NR3C2: variants seen among roughly 807,000 people sequenced by gnomAD.
The protein encoded by NR3C2 is mineralocorticoid receptor.
NR3C2 carries 15 observed loss-of-function variants against 86.4 expected under a neutral mutation model. The ratio of observed to expected loss-of-function variants is 0.17; its 90% CI spans 0.12 to 0.27. The LOEUF is 0.27. NR3C2 is among the 10% of genes least tolerant of loss of function. The pLI, the probability that NR3C2 is intolerant of heterozygous loss-of-function variation, is 1.00. For missense variants in NR3C2, 960 were observed against 1,195.6 expected, an observed-to-expected ratio of 0.80 and a Z score of 2.91; for synonymous variants, 458 against 450.5, an observed-to-expected ratio of 1.02 and a Z score of -0.21.
chr4:148,413,622 A>C (rs1293852903), intron 2 of NR3C2, among the ~76,000 whole-genome samples: 1 of 152,144 alleles, frequency 6.6e-6, no homozygotes, highest in East Asian at 1.9e-4. Context: ...AATACCTTTG[A>C]CAAATCAATA....
chr4:148,167,996 C>T (rs1734955625), intron 4 of NR3C2, among the ~76,000 whole-genome samples: 2 of 152,172 alleles, frequency 1.3e-5, no homozygotes, highest in Admixed American at 6.5e-5. Flanking sequence ...GGCTGGGCAG[C>T]AAACAAGCAG....
chr4:148,392,008 A>AT (rs1248025571), intron 2 of NR3C2, among the ~76,000 whole-genome samples: 4 of 152,030 alleles, frequency 2.6e-5, no homozygotes, highest in Non-Finnish European at 5.9e-5. Flanking sequence ...AAGATAGTAA[A>AT]TTTTTTTTCA....
At chr4:148,160,430 AC>A (rs1316169902) in intron 4 of NR3C2, among the ~76,000 whole-genome samples, 1 of 151,938 alleles carries the variant, frequency 6.6e-6, no homozygotes, top group Non-Finnish European at 1.5e-5. Context: ...CCTGCTACAT[AC>A]CCTTTTGACA....
intron 2 of NR3C2, among the ~76,000 whole-genome samples, chr4:148,335,431 T>TG (rs1744431420): frequency 6.6e-6 from 1 of 152,176 alleles, no homozygotes; most frequent in South Asian, 2.1e-4. Flanking sequence ...CATGCGCAGA[T>TG]GGAGGCCACA....
At chr4:148,202,661 C>T (rs901912628) in intron 3 of NR3C2, among the ~76,000 whole-genome samples, 3 of 152,148 alleles carry the variant, frequency 2.0e-5, no homozygotes, top group African/African-American at 7.2e-5. Flanking sequence ...TTTTACAGGT[C>T]GCTTAGAGAT....
At chr4:148,369,783 T>G (rs921461253) in intron 2 of NR3C2, among the ~76,000 whole-genome samples, 4 of 152,090 alleles carry the variant, frequency 2.6e-5, no homozygotes, top group Non-Finnish European at 2.9e-5. Flanking sequence ...AATACAACTG[T>G]TTTGTAGAAG....
At chr4:148,150,780 A>C (rs989127656) in intron 6 of NR3C2, among the ~76,000 whole-genome samples, 4 of 152,222 alleles carry the variant, frequency 2.6e-5, no homozygotes, top group African/African-American at 9.7e-5. Flanking sequence ...CAACTACAGA[A>C]TCCACTAATG....
In NR3C2 at chr4:148,154,734, A is replaced by G. The variant is rs369389025; in HGVS notation, c.2182T>C (p.Ser728Pro). Residue 728 changes from serine (S) to proline (P), a missense_variant, in exon 5 of 9, where the codon TCC (serine) becomes CCC (proline). Coordinates refer to ENST00000358102, the MANE Select transcript of NR3C2 (RefSeq NM_000901.5). Reference protein sequence around the residue: ...SVNTALVPQLSTISRALTPSP... With the variant: ...SVNTALVPQLPTISRALTPSP... ...GGTGTGAGCGCTCGTGAGATTGTGG[A>G]GAGCTGAGGAACCAGTGCTGTGTTG... 1.3e-5 allele frequency: 21 copies of G among 1,578,358 alleles called. No individual in the cohort carries two copies. Among genetic ancestry groups the G allele is most frequent in the Non-Finnish European group, 1.7e-5 (20 of 1,161,152 alleles).
intron 3 of NR3C2, among the ~76,000 whole-genome samples, chr4:148,195,839 G>C (rs1275301261): frequency 1.3e-5 from 2 of 152,200 alleles, no homozygotes; most frequent in African/African-American, 4.8e-5. Flanking sequence ...AAGAGAGTAA[G>C]AAAAGACAGA....
chr4:148,360,839 A>G (rs939225076), intron 2 of NR3C2, among the ~76,000 whole-genome samples: 3 of 152,196 alleles, frequency 2.0e-5, no homozygotes, highest in African/African-American at 7.2e-5. Flanking sequence ...TTATAACACA[A>G]TATTAAGTAT....
In NR3C2 at chr4:148,347,940, C is replaced by G. The variant is rs545976857; in HGVS notation, c.1757+87164G>C. Among the ~76,000 whole-genome samples, 4 of 152,220 alleles carry G rather than the reference C, an allele frequency of 2.6e-5. No individual in the cohort carries two copies. In the South Asian group the frequency reaches 8.3e-4, roughly 32 times the overall value. Reference sequence around the variant, plus strand: ...ACTCATGAGTTACAATAGGCCACCCCTGTTTGCCTATTTTACAGATGAAAA... The same window carrying G: ...ACTCATGAGTTACAATAGGCCACCCGTGTTTGCCTATTTTACAGATGAAAA... On this transcript the variant is annotated intron_variant, in intron 2 of 8. Coordinates refer to ENST00000358102, the MANE Select transcript of NR3C2 (RefSeq NM_000901.5).
chr4:148,211,265 GA>G (rs1737268814), intron 3 of NR3C2, among the ~76,000 whole-genome samples: 2 of 152,266 alleles, frequency 1.3e-5, no homozygotes, highest in African/African-American at 4.8e-5. Context: ...AATAAAACCC[GA>G]AAAATATAAG....
At position 148,081,230 on chromosome 4, in the gene NR3C2, T is replaced by G. The variant is rs1033880946; in HGVS notation, c.*114A>C. ...TGACATGACTTTAAACTTGAGAAAC[T>G]GTTGAACAAGTGTGAATCAACCATC... is the stretch of plus-strand genomic sequence containing the variant. On this transcript the variant is annotated 3_prime_UTR_variant, in exon 9 of 9. Transcript: ENST00000358102. 7.1e-7 allele frequency: 1 copy of G among 1,400,960 alleles called. No individual in the cohort carries two copies. Among genetic ancestry groups the G allele is most frequent in the Non-Finnish European group, 1.0e-6 (1 of 998,682 alleles). 86.8% of individuals were successfully genotyped at this position (1,400,960 alleles called of 1,614,324 possible).
chr4:148,434,296 T>C (rs921371054), intron 2 of NR3C2, among the ~76,000 whole-genome samples: 3 of 152,208 alleles, frequency 2.0e-5, no homozygotes, highest in Non-Finnish European at 4.4e-5. Flanking sequence ...CCACCCTTTA[T>C]AGTCATATCT....
At chr4:148,383,630 A>T (rs1747110103) in intron 2 of NR3C2, among the ~76,000 whole-genome samples, 1 of 152,178 alleles carries the variant, frequency 6.6e-6, no homozygotes, top group Admixed American at 6.5e-5. Context: ...TAATCCAAGG[A>T]CACAGTTTAA....
chr4:148,156,832 G>A (rs1295566248), intron 4 of NR3C2, among the ~76,000 whole-genome samples: 2 of 151,946 alleles, frequency 1.3e-5, no homozygotes, highest in African/African-American at 2.4e-5. Context: ...TATAAATCAC[G>A]CTGTGATAAA....
chr4:148,430,686 T>C (rs190806777), intron 2 of NR3C2, among the ~76,000 whole-genome samples: 7 of 152,222 alleles, frequency 4.6e-5, no homozygotes, highest in Admixed American at 3.9e-4. Flanking sequence ...TCTCTCTCTC[T>C]CAGACACACA....
chr4:148,319,289 A>G (rs1743415942), intron 2 of NR3C2, among the ~76,000 whole-genome samples: 1 of 152,166 alleles, frequency 6.6e-6, no homozygotes, highest in Non-Finnish European at 1.5e-5. Context: ...GCCTTGTAGT[A>G]TAGTTCGAAG....
intron 6 of NR3C2, 31 bp downstream of exon 6, chr4:148,152,438 A>C: frequency 1.2e-6 from 2 of 1,606,430 alleles, no homozygotes; most frequent in Non-Finnish European, 1.7e-6. Flanking sequence ...TCTGCAGTTT[A>C]TTTTATGAAG....
Sources: allele counts gnomAD v4.1 joint callset (sites outside exome capture counted in the v4.1 genomes callset), GRCh38; gene constraint gnomAD v4.1.1; transcripts MANE v1.5; gene names NCBI Gene and HGNC (gene_info 2026-07-23, HGNC 2026-07-21).